The following PDZRN3 variants were observed in gnomAD, a reference collection of about 807,000 sequenced individuals.
PDZRN3 encodes E3 ubiquitin-protein ligase PDZRN3.
Under a neutral mutation model 85.7 loss-of-function variants are expected in PDZRN3, and 38 were observed. The ratio of observed to expected loss-of-function variants is 0.44; its 90% confidence interval spans 0.34 to 0.58. The LOEUF (loss-of-function observed/expected upper bound fraction) is 0.58, where lower values mean the gene tolerates loss of function less well. Ranked by LOEUF, PDZRN3 falls within the 20% of genes least tolerant of loss-of-function variation. The pLI, the probability that PDZRN3 is intolerant of heterozygous loss-of-function variation, is 0.01. For synonymous variants in PDZRN3, 759 were observed against 638.0 expected, an observed-to-expected ratio of 1.19 and a Z score of -2.86; for missense variants, 1,629 against 1,506.4, an observed-to-expected ratio of 1.08 and a Z score of -1.35.
intron 3 of PDZRN3, among the ~76,000 whole-genome samples, chr3:73,482,388 A>T (rs1209687655): frequency 6.6e-6 from 1 of 152,186 alleles, no homozygotes; most frequent in African/African-American, 2.4e-5. Flanking sequence ...GGAGAGTCTC[A>T]ACTCTTCATT....
chr3:73,508,382 CAT>C (rs1704105720), intron 3 of PDZRN3, among the ~76,000 whole-genome samples: 1 of 152,178 alleles, frequency 6.6e-6, no homozygotes, highest in Non-Finnish European at 1.5e-5. Flanking sequence ...GCAGTGAAGA[CAT>C]AAAGGAAAAC....
intron 3 of PDZRN3, among the ~76,000 whole-genome samples, chr3:73,535,330 T>A (rs1278703286): frequency 6.6e-6 from 1 of 152,212 alleles, no homozygotes; most frequent in Non-Finnish European, 1.5e-5. Flanking sequence ...GTGATGATCA[T>A]GCATTTCTTC....
At chr3:73,528,779 C>T (rs542933510) in intron 3 of PDZRN3, among the ~76,000 whole-genome samples, 147 of 152,086 alleles carry the variant, frequency 9.7e-4, no homozygotes, top group Non-Finnish European at 4.9e-4. Context: ...TCTTGTTGTA[C>T]ACAATCTGGC....
At chr3:73,576,211 C>A (rs989015813) in intron 3 of PDZRN3, among the ~76,000 whole-genome samples, 1 of 152,106 alleles carries the variant, frequency 6.6e-6, no homozygotes. Flanking sequence ...GAAATGAGCT[C>A]TATCCAGTGT....
At chr3:73,540,087 GA>G (rs1168662549) in intron 3 of PDZRN3, among the ~76,000 whole-genome samples, 17,619 of 50,400 alleles carry the variant, frequency 0.35, 856 homozygotes, top group East Asian at 0.41. Flanking sequence ...ACTGTTGGAT[GA>G]AAAAAAAAAA....
intron 5 of PDZRN3, 97 bp downstream of exon 5, chr3:73,400,825 C>T (rs1056046543): frequency 2.7e-5 from 23 of 858,520 alleles, no homozygotes; most frequent in Admixed American, 3.5e-5. Flanking sequence ...TACTTTCCAT[C>T]GGCATCCGTA....
chr3:73,393,212 T>C (rs1576028569), intron 5 of PDZRN3, among the ~76,000 whole-genome samples: 1 of 151,916 alleles, frequency 6.6e-6, no homozygotes, highest in Non-Finnish European at 1.5e-5. Context: ...AGTGGGAAGA[T>C]TGTAGGAAGA....
chr3:73,467,368 C>A (rs778465568), intron 3 of PDZRN3, among the ~76,000 whole-genome samples: 1 of 152,188 alleles, frequency 6.6e-6, no homozygotes, highest in Non-Finnish European at 1.5e-5. Context: ...ATGACACACA[C>A]GCTCAAATAC....
At chr3:73,597,661 G>C (rs1279516010) in intron 3 of PDZRN3, among the ~76,000 whole-genome samples, 1 of 151,712 alleles carries the variant, frequency 6.6e-6, no homozygotes, top group Non-Finnish European at 1.5e-5. Flanking sequence ...ATATAGATGT[G>C]GATGGCCTCT....
At chr3:73,599,284 A>G (rs1575757926) in intron 3 of PDZRN3, among the ~76,000 whole-genome samples, 1 of 152,240 alleles carries the variant, frequency 6.6e-6, no homozygotes, top group Non-Finnish European at 1.5e-5. Flanking sequence ...GAAGAAAATT[A>G]TAACATGCTA....
chr3:73,407,385 A>G (rs1359054126), intron 3 of PDZRN3, among the ~76,000 whole-genome samples: 1 of 152,180 alleles, frequency 6.6e-6, no homozygotes, highest in East Asian at 1.9e-4. Context: ...ATATCACTGA[A>G]TAAGTGAATT....
chr3:73,477,091 C>A (rs1221215616), intron 3 of PDZRN3, among the ~76,000 whole-genome samples: 1 of 152,144 alleles, frequency 6.6e-6, no homozygotes, highest in Non-Finnish European at 1.5e-5. Context: ...AACTATCTTG[C>A]TTAATAATGG....
intron 3 of PDZRN3, among the ~76,000 whole-genome samples, chr3:73,478,787 T>G (rs910399963): frequency 6.6e-6 from 1 of 152,150 alleles, no homozygotes; most frequent in African/African-American, 2.4e-5. Context: ...AAAGGTCCAG[T>G]TCTCTGAACC....
Position 73,449,412 on chromosome 3 carries a change from CAA to C in PDZRN3, c.919-45019_919-45018del, listed in dbSNP as rs1407992506. On this transcript the variant is annotated intron_variant, in intron 3 of 9. Transcript: ENST00000263666. The stretch of plus-strand genomic sequence containing the variant: ...GGAAATAAAAACCTGCCTGGTGAAC[CAA>C]AGTCTCCAGGTTTTACATTCATAGG... Among the ~76,000 whole-genome samples, 6 of 151,744 alleles carry C rather than the reference CAA, an allele frequency of 4.0e-5. No individual in the cohort carries two copies. In the East Asian group the frequency reaches 1.2e-3, roughly 29 times the overall value.
chr3:73,594,173 T>A (rs766324611), intron 3 of PDZRN3, among the ~76,000 whole-genome samples: 1 of 152,108 alleles, frequency 6.6e-6, no homozygotes, highest in Non-Finnish European at 1.5e-5. Flanking sequence ...GCACAGTCAT[T>A]AGAAAGAAAT....
chr3:73,465,099 G>T (rs1703186369), intron 3 of PDZRN3, among the ~76,000 whole-genome samples: 1 of 152,172 alleles, frequency 6.6e-6, no homozygotes, highest in African/African-American at 2.4e-5. Flanking sequence ...GTAATAAAAT[G>T]AGTCTTAATT....
intron 1 of PDZRN3, among the ~76,000 whole-genome samples, chr3:73,616,345 A>G (rs966068839): frequency 2.0e-5 from 3 of 152,144 alleles, no homozygotes; most frequent in East Asian, 1.9e-4. Context: ...CTACTCATCT[A>G]AAAAACCATA....
chr3:73,503,918 T>A (rs1185137292), intron 3 of PDZRN3, among the ~76,000 whole-genome samples: 2 of 152,218 alleles, frequency 1.3e-5, no homozygotes, highest in Non-Finnish European at 2.9e-5. Flanking sequence ...TGTGTTTTTG[T>A]ATCATGCAGT....
At chr3:73,584,606 CTTGTAACAGTTAT>C (rs915398589) in intron 3 of PDZRN3, among the ~76,000 whole-genome samples, 1 of 152,004 alleles carries the variant, frequency 6.6e-6, no homozygotes, top group Admixed American at 6.6e-5. Flanking sequence ...TTTAAAGTCA[CTTGTAACAGTTAT>C]TTTGATTCCT....
Sources: gnomAD v4.1 joint callset for allele counts (sites outside exome capture counted in the v4.1 genomes callset) on GRCh38, gnomAD v4.1.1 for gene constraint, MANE v1.5 for transcripts, NCBI Gene and HGNC (gene_info 2026-07-23, HGNC 2026-07-21) for gene names.